Variants in GRIN2B observed in about 807,000 individuals in gnomAD.
The protein encoded by GRIN2B is glutamate receptor ionotropic, NMDA 2B.
A neutral mutation model predicts 114.5 loss-of-function variants in GRIN2B; 5 were observed. That is an observed-to-expected ratio of 0.04 (90% CI 0.02 to 0.09). GRIN2B has a LOEUF of 0.09. Ranked by LOEUF, GRIN2B falls within the 10% of genes least tolerant of loss-of-function variation. The probability of loss-of-function intolerance (pLI) is 1.00; values close to 1 mark genes in which losing one functional copy is unlikely to be tolerated. For synonymous variants in GRIN2B, 787 were observed against 745.1 expected, an observed-to-expected ratio of 1.06 and a Z score of -0.92; for missense variants, 1,108 against 1,943.5, an observed-to-expected ratio of 0.57 and a Z score of 8.08.
intron 5 of GRIN2B, among the ~76,000 whole-genome samples, chr12:13,635,951 C>T (rs1345630603): frequency 2.6e-5 from 4 of 151,980 alleles, no homozygotes; most frequent in African/African-American, 9.7e-5. Flanking sequence ...TAAACTAGTC[C>T]CTGCCCTCCA....
At chr12:13,949,664 T>C (rs919955665) in intron 2 of GRIN2B, among the ~76,000 whole-genome samples, 1 of 152,218 alleles carries the variant, frequency 6.6e-6, no homozygotes, top group Non-Finnish European at 1.5e-5. Flanking sequence ...TAACAAACGA[T>C]TTCATTTACA....
intron 5 of GRIN2B, among the ~76,000 whole-genome samples, chr12:13,641,911 G>A (rs1949720349): frequency 6.6e-6 from 1 of 152,116 alleles, no homozygotes; most frequent in East Asian, 1.9e-4. Context: ...CTTAAGGTCA[G>A]GCGTGATGGC....
chr12:13,976,533 C>T (rs1438892671), intron 2 of GRIN2B, among the ~76,000 whole-genome samples: 26 of 152,150 alleles, frequency 1.7e-4, no homozygotes, highest in Admixed American at 1.7e-3. Context: ...ACAAGACTAT[C>T]GTTTGGAACA....
At chr12:13,614,016 C>CAAAAAAAAAAAAAAAAAAAAAAAAAAAAA (rs77527098) in intron 8 of GRIN2B, among the ~76,000 whole-genome samples, 1 of 92,910 alleles carries the variant, frequency 1.1e-5, no homozygotes, top group Non-Finnish European at 2.1e-5. Flanking sequence ...CCTTGCACAG[C>CAAAAAAAAAAAAAAAAAAAAAAAAAAAAA]AAAAAAAAAA....
At chr12:13,658,033 C>T (rs1415470894) in intron 5 of GRIN2B, among the ~76,000 whole-genome samples, 5 of 152,068 alleles carry the variant, frequency 3.3e-5, no homozygotes, top group Non-Finnish European at 7.4e-5. Flanking sequence ...TGGAGACACC[C>T]TGTCTCTACT....
At chr12:13,962,330 C>T (rs1219623431) in intron 2 of GRIN2B, among the ~76,000 whole-genome samples, 1 of 152,098 alleles carries the variant, frequency 6.6e-6, no homozygotes, top group African/African-American at 2.4e-5. Flanking sequence ...AGACCCAATG[C>T]CTTAAATATA....
chr12:13,980,969 C>A (rs1863125024), intron 1 of GRIN2B, among the ~76,000 whole-genome samples: 1 of 152,166 alleles, frequency 6.6e-6, no homozygotes. Context: ...CTCACCCCCG[C>A]GCACACTCAC....
intron 5 of GRIN2B, among the ~76,000 whole-genome samples, chr12:13,636,776 G>C (rs1949669724): frequency 6.6e-6 from 1 of 152,148 alleles, no homozygotes; most frequent in Admixed American, 6.6e-5. Context: ...GCCCAGGTCT[G>C]CTAGTGATGA....
At chr12:13,849,671 A>G (rs1865526133) in intron 3 of GRIN2B, among the ~76,000 whole-genome samples, 1 of 152,138 alleles carries the variant, frequency 6.6e-6, no homozygotes, top group African/African-American at 2.4e-5. Context: ...AAGAACTTGC[A>G]AAAACACATC....
At chr12:13,634,135 A>C (rs1949643500) in intron 5 of GRIN2B, 1 of 152,196 alleles carries the variant, frequency 6.6e-6, no homozygotes, top group Non-Finnish European at 1.5e-5. Context: ...AGGTAGACAT[A>C]ATCTCTCTGA....
chr12:13,975,624 A>ACTAATTAAT (rs1214425657), intron 2 of GRIN2B, among the ~76,000 whole-genome samples: 1 of 152,236 alleles, frequency 6.6e-6, no homozygotes, highest in Non-Finnish European at 1.5e-5. Flanking sequence ...AGCATCATCA[A>ACTAATTAAT]CTAATTAATA....
chr12:13,771,004 G>C (rs907016385), intron 3 of GRIN2B, among the ~76,000 whole-genome samples: 1 of 152,126 alleles, frequency 6.6e-6, no homozygotes, highest in Non-Finnish European at 1.5e-5. Flanking sequence ...AACTGATATG[G>C]TTTGGCTCTG....
intron 9 of GRIN2B, among the ~76,000 whole-genome samples, chr12:13,609,629 T>C (rs1317425723): frequency 6.6e-6 from 1 of 152,046 alleles, no homozygotes; most frequent in East Asian, 1.9e-4. Flanking sequence ...AAAAATTAGC[T>C]GGGCGTGGTG....
intron 5 of GRIN2B, among the ~76,000 whole-genome samples, chr12:13,674,177 T>C (rs1255729240): frequency 1.3e-5 from 2 of 151,944 alleles, no homozygotes; most frequent in African/African-American, 2.4e-5. Context: ...CTGGGCAACA[T>C]AGTGAGACCT....
intron 2 of GRIN2B, among the ~76,000 whole-genome samples, chr12:13,965,158 C>A: frequency 6.6e-6 from 1 of 152,148 alleles, no homozygotes; most frequent in East Asian, 1.9e-4. Context: ...CTGCAGCCTG[C>A]CAAGCCTGAA....
chr12:13,858,756 T>G (rs567329112), intron 3 of GRIN2B, among the ~76,000 whole-genome samples: 32 of 152,338 alleles, frequency 2.1e-4, no homozygotes, highest in Non-Finnish European at 4.1e-4. Context: ...AAAATGATCT[T>G]GACTTGTCTT....
chr12:13,824,673 T>C (rs899573311), intron 3 of GRIN2B, among the ~76,000 whole-genome samples: 5 of 151,910 alleles, frequency 3.3e-5, no homozygotes, highest in African/African-American at 9.7e-5. Flanking sequence ...GCCAACATGG[T>C]GAAACCCCGT....
At chr12:13,806,689 T>C (rs1197389933) in intron 3 of GRIN2B, among the ~76,000 whole-genome samples, 1 of 152,146 alleles carries the variant, frequency 6.6e-6, no homozygotes, top group Non-Finnish European at 1.5e-5. Context: ...CTCTGTTGCT[T>C]GTTTCCTTTG....
intron 10 of GRIN2B, among the ~76,000 whole-genome samples, chr12:13,606,396 T>C (rs1949248069): frequency 6.6e-6 from 1 of 152,112 alleles, no homozygotes; most frequent in South Asian, 2.1e-4. Context: ...CAGACTCTTT[T>C]TAACAATCAG....
Sources: allele counts gnomAD v4.1 joint callset (sites outside exome capture counted in the v4.1 genomes callset), GRCh38; gene constraint gnomAD v4.1.1; transcripts MANE v1.5; gene names NCBI Gene and HGNC (gene_info 2026-07-23, HGNC 2026-07-21).